EBF3: variants seen among roughly 807,000 people sequenced by gnomAD.
The protein encoded by EBF3 is transcription factor COE3.
Under a neutral mutation model 77.1 loss-of-function variants are expected in EBF3, and 18 were observed. The observed-to-expected ratio is 0.23, with a 90% confidence interval of 0.16 to 0.35. EBF3 has a LOEUF of 0.35. EBF3 is among the 10% of genes least tolerant of loss of function. EBF3 has a pLI of 1.00. For synonymous variants in EBF3, 350 were observed against 343.5 expected, an observed-to-expected ratio of 1.02 and a Z score of -0.21; for missense variants, 558 against 860.0, an observed-to-expected ratio of 0.65 and a Z score of 4.39.
intron 6 of EBF3, among the ~76,000 whole-genome samples, chr10:129,896,231 C>A (rs929559327): frequency 6.6e-6 from 1 of 152,216 alleles, no homozygotes; most frequent in African/African-American, 2.4e-5. Flanking sequence ...TATCGTCCAA[C>A]TCTGCCAAAA....
At chr10:129,948,126 C>T (rs956308855) in intron 6 of EBF3, among the ~76,000 whole-genome samples, 5 of 151,950 alleles carry the variant, frequency 3.3e-5, no homozygotes, top group Admixed American at 6.6e-5. Context: ...GGTGTGGTGG[C>T]GCATGCCTGT....
At chr10:129,843,431 C>G (rs1012039338) in intron 11 of EBF3, 1 of 490,152 alleles carries the variant, frequency 2.0e-6, no homozygotes, top group Non-Finnish European at 3.7e-6. Context: ...TTCTGTGGCT[C>G]CTCCATCCGG....
At chr10:129,873,719 C>T in intron 7 of EBF3, 123 bp from the exon 8 acceptor site, 1 of 1,085,840 alleles carries the variant, frequency 9.2e-7, no homozygotes, top group Non-Finnish European at 1.2e-6. Context: ...TTCCTGGACA[C>T]TGTTGATCGA....
chr10:129,885,858 ATTAAG>A lies in EBF3; in HGVS notation c.555-8014_555-8010del, dbSNP rs1853538060. Among the ~76,000 whole-genome samples, 1 of 152,116 alleles carries A rather than the reference ATTAAG, an allele frequency of 6.6e-6. No homozygotes were observed. The highest frequency in any genetic ancestry group is 2.4e-5 in the African/African-American group (1 of 41,422). On this transcript the variant is annotated intron_variant, in intron 6 of 16. Transcript: ENST00000440978. The surrounding 1 kb of genome is among the most constrained non-coding windows in gnomAD (Gnocchi z 4.0). The stretch of plus-strand genomic sequence containing the variant: ...GGAGGCTTTTACAGGTTATGCAGAG[ATTAAG>A]TGCCTATGCTTATCCCAACTTAGGG...
intron 10 of EBF3, among the ~76,000 whole-genome samples, chr10:129,857,686 C>A (rs1851348662): frequency 6.6e-6 from 1 of 152,218 alleles, no homozygotes; most frequent in Non-Finnish European, 1.5e-5. Context: ...CAACTGCCAT[C>A]CAGATACCAG....
chr10:129,913,156 T>C (rs1855639590), intron 6 of EBF3, among the ~76,000 whole-genome samples: 1 of 152,252 alleles, frequency 6.6e-6, no homozygotes, highest in African/African-American at 2.4e-5. Context: ...ATTCCGGGCC[T>C]GATTAGAAGG....
rs1857914927 is a variant in EBF3 at position 129,943,245 on chromosome 10, C to A, written c.554+14013G>T. Among the ~76,000 whole-genome samples the A allele has an allele frequency of 6.6e-6, 1 of 152,162 alleles. No individual in the cohort carries two copies. The highest frequency in any genetic ancestry group is 2.4e-5 in the African/African-American group (1 of 41,440). On this transcript the variant is annotated intron_variant, in intron 6 of 16. Coordinates refer to ENST00000440978, the MANE Select transcript of EBF3 (RefSeq NM_001375380.1). The surrounding 1 kb of genome is among the most constrained non-coding windows in gnomAD (Gnocchi z 8.8). ...TGGAGGGGATTTCAGCGGCTCTCCA[C>A]AAACAAATAAACAGCAAATACTTAC...
In EBF3 at chr10:129,870,815, A is replaced by C. The variant is rs1187773225; in HGVS notation, c.781+2637T>G. 6.6e-6 allele frequency among the ~76,000 whole-genome samples: 1 copy of C among 151,922 alleles called. No individual in the cohort carries two copies. Among genetic ancestry groups the C allele is most frequent in the East Asian group, 1.9e-4 (1 of 5,172 alleles). On this transcript the variant is annotated intron_variant, in intron 8 of 16. Transcript: ENST00000440978. This position sits in a 1 kb window ranked among gnomAD's most constrained non-coding sequence, Gnocchi z 4.4. ...TTTTCCTTTCTTTTGGGGTCTCTCC[A>C]CCCTATCCAGTATTCTATTAGTAAA...
intron 6 of EBF3, among the ~76,000 whole-genome samples, chr10:129,916,641 C>A (rs1000464376): frequency 3.9e-5 from 6 of 152,336 alleles, no homozygotes; most frequent in African/African-American, 1.2e-4. Context: ...GCCAGCAGGG[C>A]CAGCGAGAGG....
intron 6 of EBF3, among the ~76,000 whole-genome samples, chr10:129,929,584 T>A (rs911534383): frequency 6.6e-6 from 1 of 152,186 alleles, no homozygotes; most frequent in Non-Finnish European, 1.5e-5. Flanking sequence ...GAAATAGAAT[T>A]TGGAGCAAGG....
rs976260705 is a variant in EBF3, at chr10:129,943,933, G to A, written c.554+13325C>T. Among the ~76,000 whole-genome samples, 1 of 152,192 alleles carries A rather than the reference G, an allele frequency of 6.6e-6. No homozygotes were observed. The highest frequency in any genetic ancestry group is 1.5e-5 in the Non-Finnish European group (1 of 68,036). ...AATGCTCGGTAAAACCAGTCGCTCT[G>A]AGGGTGCAGCGCGTGTGTCCATGGG... On this transcript the variant is annotated intron_variant, in intron 6 of 16. Coordinates refer to ENST00000440978, the MANE Select transcript of EBF3 (RefSeq NM_001375380.1). The surrounding 1 kb of genome is among the most constrained non-coding windows in gnomAD (Gnocchi z 8.8).
At chr10:129,840,045 A>C (rs1200084052) in intron 15 of EBF3, among the ~76,000 whole-genome samples, 200 bp downstream of exon 15, 9 of 152,362 alleles carry the variant, frequency 5.9e-5, no homozygotes, top group South Asian at 4.1e-4. Flanking sequence ...CAAGAGGAGG[A>C]ATCTGGTCCT....
intron 6 of EBF3, among the ~76,000 whole-genome samples, chr10:129,886,940 G>A (rs926453065): frequency 6.6e-6 from 1 of 151,556 alleles, no homozygotes; most frequent in African/African-American, 2.4e-5. Context: ...GTCAAGAAGG[G>A]GTTTTAACAC....
chr10:129,857,399 C>T (rs527419921), intron 10 of EBF3, among the ~76,000 whole-genome samples: 5 of 152,262 alleles, frequency 3.3e-5, no homozygotes, highest in African/African-American at 4.8e-5. Flanking sequence ...GGGCCTCCCC[C>T]CTCACAGCCC....
intron 10 of EBF3, among the ~76,000 whole-genome samples, chr10:129,851,656 T>C (rs1195617439): frequency 6.6e-6 from 1 of 152,198 alleles, no homozygotes; most frequent in Non-Finnish European, 1.5e-5. Context: ...AAGTAATTAG[T>C]GCCCATTATT....
At chr10:129,925,066 T>C (rs1005369469) in intron 6 of EBF3, among the ~76,000 whole-genome samples, 2 of 136,800 alleles carry the variant, frequency 1.5e-5, no homozygotes, top group African/African-American at 5.7e-5. Flanking sequence ...ATAAGCAAAA[T>C]GTGGTGTGTG....
rs1850011075 is a variant in EBF3, at chr10:129,841,049, C to CCG, written c.1373-18_1373-17insCG. On this transcript the variant is annotated splice_polypyrimidine_tract_variant and intron_variant, in intron 13 of 16. Coordinates refer to ENST00000440978, the MANE Select transcript of EBF3 (RefSeq NM_001375380.1). This position sits in a 1 kb window ranked among gnomAD's most constrained non-coding sequence, Gnocchi z 4.6. ...TGTAGCCGACTGTTGAAATCCCCCC[C>CCG]CCGGCCAAAAATAACATTATTATCA... 6.2e-7 allele frequency: 1 copy of CCG among 1,604,718 alleles called. No homozygotes were observed. The highest frequency in any genetic ancestry group is 8.5e-7 in the Non-Finnish European group (1 of 1,175,850).
chr10:129,836,973 A>G lies in EBF3; in HGVS notation c.*970T>C, dbSNP rs908142535. 2.6e-5 allele frequency: 4 copies of G among 152,662 alleles called. No individual in the cohort carries two copies. The highest frequency in any genetic ancestry group is 4.4e-5 in the Non-Finnish European group (3 of 68,042). 9.5% of individuals were successfully genotyped at this position (152,662 alleles called of 1,614,324 possible). ...TTTCTAAATATTTTAAGTGGATCTG[A>G]AAAAAATTCAAGACAAGTGTATAAA... On this transcript the variant is annotated 3_prime_UTR_variant, in exon 17 of 17. Transcript: ENST00000440978.
At chr10:129,875,476 G>A (rs912483808) in intron 7 of EBF3, among the ~76,000 whole-genome samples, 5 of 152,168 alleles carry the variant, frequency 3.3e-5, no homozygotes, top group Non-Finnish European at 5.9e-5. Context: ...GATGACCGGC[G>A]TGAGCCACCG....
Sources: gnomAD v4.1 joint callset for allele counts (sites outside exome capture counted in the v4.1 genomes callset) on GRCh38, gnomAD v4.1.1 for gene constraint, Gnocchi (gnomAD v3.1) non-coding constraint, MANE v1.5 for transcripts, NCBI Gene and HGNC (gene_info 2026-07-23, HGNC 2026-07-21) for gene names.